The following CLSTN2 variants were observed in gnomAD, a reference collection of about 807,000 sequenced individuals.
The protein encoded by CLSTN2 is calsyntenin 2.
CLSTN2 carries 48 observed loss-of-function variants against 101.2 expected under a neutral mutation model. The ratio of observed to expected loss-of-function variants is 0.47; its 90% CI spans 0.38 to 0.60. The LOEUF (loss-of-function observed/expected upper bound fraction) is 0.60. Ranked by LOEUF, CLSTN2 falls within the 20% of genes least tolerant of loss-of-function variation. The pLI is 0.00. For missense variants in CLSTN2, 1,160 were observed against 1,238.2 expected (o/e 0.94, Z 0.95); for synonymous variants, 481 against 463.6 (o/e 1.04, Z -0.48).
chr3:140,100,528 C>G (rs1252871099), intron 1 of CLSTN2, among the ~76,000 whole-genome samples: 1 of 152,186 alleles, frequency 6.6e-6, no homozygotes, highest in Admixed American at 6.5e-5. Context: ...TGTGGGATTC[C>G]CTTAAGTTCT....
intron 1 of CLSTN2, among the ~76,000 whole-genome samples, chr3:140,091,057 C>G (rs953563021): frequency 6.6e-5 from 10 of 152,050 alleles, no homozygotes; most frequent in African/African-American, 2.4e-4. Flanking sequence ...ACAACTGTGT[C>G]CCCTGGGGAG....
chr3:140,210,312 G>A (rs1056092469), intron 2 of CLSTN2, among the ~76,000 whole-genome samples: 12 of 152,182 alleles, frequency 7.9e-5, no homozygotes, highest in African/African-American at 2.9e-4. Flanking sequence ...ATCATATTAT[G>A]TTTGCAAGGA....
chr3:140,149,854 C>T (rs2009835277), intron 1 of CLSTN2, among the ~76,000 whole-genome samples: 1 of 152,124 alleles, frequency 6.6e-6, no homozygotes, highest in African/African-American at 2.4e-5. Context: ...AACCGGGTGT[C>T]CTGTATTTTT....
chr3:140,241,516 A>G (rs1445179105), intron 2 of CLSTN2, among the ~76,000 whole-genome samples: 1 of 152,032 alleles, frequency 6.6e-6, no homozygotes, highest in Non-Finnish European at 1.5e-5. Flanking sequence ...TCCAATCTTG[A>G]CTCATGTCCT....
At chr3:139,937,500 G>C (rs2107805078) in intron 1 of CLSTN2, among the ~76,000 whole-genome samples, 1 of 151,820 alleles carries the variant, frequency 6.6e-6, no homozygotes, top group Admixed American at 6.6e-5. Context: ...ACTTTGGGAG[G>C]CCGAGGCGGG....
intron 1 of CLSTN2, among the ~76,000 whole-genome samples, chr3:140,026,275 C>T (rs963501340): frequency 6.6e-6 from 1 of 152,036 alleles, no homozygotes; most frequent in Non-Finnish European, 1.5e-5. Context: ...GGGAAAGTGC[C>T]GAGAGCATAA....
intron 1 of CLSTN2, among the ~76,000 whole-genome samples, chr3:140,010,410 T>A (rs961559028): frequency 5.3e-5 from 8 of 152,196 alleles, no homozygotes; most frequent in African/African-American, 1.9e-4. Context: ...TCCCAGAAAT[T>A]CGTCTTTCCA....
At chr3:140,073,346 G>A (rs377112381) in intron 1 of CLSTN2, among the ~76,000 whole-genome samples, 1 of 152,172 alleles carries the variant, frequency 6.6e-6, no homozygotes, top group Non-Finnish European at 1.5e-5. Flanking sequence ...TTTCTGGTTA[G>A]GTTGTGTGGA....
rs567622979 is a variant in CLSTN2 at position 140,311,683 on chromosome 3, A to G, written c.233-91946A>G. Among the ~76,000 whole-genome samples, 11 of 152,164 alleles carry G rather than the reference A, an allele frequency of 7.2e-5. No individual in the cohort carries two copies. The South Asian group carries it at 2.3e-3, about 32-fold the overall frequency. ...AATAACTCATGTAATCATCATGACA[A>G]CACCATGAGATAAGTGCTATTTTCA... On this transcript the variant is annotated intron_variant, in intron 2 of 16. Coordinates refer to ENST00000458420, the MANE Select transcript of CLSTN2 (RefSeq NM_022131.3).
At chr3:140,533,063 C>G (rs1935291621) in intron 9 of CLSTN2, among the ~76,000 whole-genome samples, 1 of 152,182 alleles carries the variant, frequency 6.6e-6, no homozygotes, top group Admixed American at 6.5e-5. Flanking sequence ...TTTATGCCTT[C>G]CCACTTGAAG....
In CLSTN2 at chr3:140,352,471, C is replaced by T. The variant is rs114056436; in HGVS notation, c.233-51158C>T. ...GGAATTGCTGTTAAGAATCTCTCAC[C>T]CCTATTGTAGCAGCAGTTTATTAAC... On this transcript the variant is annotated intron_variant, in intron 2 of 16. Coordinates refer to ENST00000458420, the MANE Select transcript of CLSTN2 (RefSeq NM_022131.3). Among the ~76,000 whole-genome samples the T allele has an allele frequency of 3.2e-3, 481 of 152,284 alleles. 3 individuals carry two copies. Among genetic ancestry groups the T allele is most frequent in the African/African-American group, 0.01 (429 of 41,542 alleles).
At chr3:140,098,120 C>T (rs1465197316) in intron 1 of CLSTN2, among the ~76,000 whole-genome samples, 1 of 151,944 alleles carries the variant, frequency 6.6e-6, no homozygotes, top group Non-Finnish European at 1.5e-5. Context: ...AAAAACAAAA[C>T]AAAACAAAAA....
chr3:140,457,932 C>T (rs1192060580), intron 6 of CLSTN2, among the ~76,000 whole-genome samples: 2 of 152,156 alleles, frequency 1.3e-5, no homozygotes, highest in South Asian at 2.1e-4. Context: ...ACCACAATTC[C>T]AGAAGCCTCT....
chr3:140,415,019 A>G (rs1015515563), intron 4 of CLSTN2, among the ~76,000 whole-genome samples: 2 of 152,130 alleles, frequency 1.3e-5, no homozygotes, highest in Admixed American at 6.6e-5. Flanking sequence ...TAGAGAACCC[A>G]GAAATAAATT....
chr3:140,218,262 T>G (rs1420876256), intron 2 of CLSTN2, among the ~76,000 whole-genome samples: 2 of 152,226 alleles, frequency 1.3e-5, no homozygotes, highest in African/African-American at 4.8e-5. Flanking sequence ...GCCACTGCAT[T>G]TGCTTTTGTT....
chr3:140,359,830 G>A (rs1329775200), intron 2 of CLSTN2, among the ~76,000 whole-genome samples: 1 of 151,976 alleles, frequency 6.6e-6, no homozygotes, highest in Non-Finnish European at 1.5e-5. Flanking sequence ...CAACCTAAGT[G>A]CAAGGGAGGT....
In CLSTN2 at chr3:140,568,569, G is replaced by T. The variant is rs1472267669; in HGVS notation, c.*2316G>T. 1 of 151,782 alleles carries T rather than the reference G, an allele frequency of 6.6e-6. No homozygotes were observed. Among genetic ancestry groups the T allele is most frequent in the Non-Finnish European group, 1.5e-5 (1 of 67,886 alleles). 9.4% of individuals were successfully genotyped at this position (151,782 alleles called of 1,614,324 possible). A position where few individuals can be genotyped will look rare whatever the true frequency, so the allele number is the denominator to read the frequency against. ...CACAATCCCATTTAAATAAAAAAAA[G>T]ATCTTTAGTTGGGCATTTAGGAGCA... On this transcript the variant is annotated 3_prime_UTR_variant, in exon 17 of 17. Transcript: ENST00000458420.
At chr3:140,196,484 C>T (rs370212192) in intron 2 of CLSTN2, among the ~76,000 whole-genome samples, 2 of 152,350 alleles carry the variant, frequency 1.3e-5, no homozygotes, top group East Asian at 1.9e-4. Flanking sequence ...ATGGGTATTA[C>T]TTGCTGTTTC....
At position 140,471,469 on chromosome 3, in the gene CLSTN2, A is replaced by T. The variant is rs1235786043; in HGVS notation, c.1344+4738A>T. 3.3e-5 allele frequency among the ~76,000 whole-genome samples: 5 copies of T among 152,184 alleles called. No individual in the cohort carries two copies. The East Asian group carries it at 9.6e-4, about 29-fold the overall frequency. ...AAAAAGTGCATCTCTGAAAAATTGC[A>T]ACAAGCACAGGATGCAAATGTCGGA... On this transcript the variant is annotated intron_variant, in intron 8 of 16. Coordinates refer to ENST00000458420, the MANE Select transcript of CLSTN2 (RefSeq NM_022131.3).
Sources: gnomAD v4.1 joint callset for allele counts (sites outside exome capture counted in the v4.1 genomes callset) on GRCh38, gnomAD v4.1.1 for gene constraint, MANE v1.5 for transcripts, NCBI Gene and HGNC (gene_info 2026-07-23, HGNC 2026-07-21) for gene names.